GPBP1L1: variants seen among roughly 807,000 people sequenced by gnomAD.
The protein encoded by GPBP1L1 is vasculin-like protein 1.
GPBP1L1 carries 23 observed loss-of-function variants against 52.5 expected under a neutral mutation model. That is an observed-to-expected ratio of 0.44 (90% CI 0.32 to 0.62). GPBP1L1 has a LOEUF of 0.62. Among genes scored for constraint, GPBP1L1 ranks in the 20% least tolerant of loss-of-function variants. GPBP1L1 has a pLI of 0.06. For missense variants in GPBP1L1, 596 were observed against 579.3 expected, an observed-to-expected ratio of 1.03 and a Z score of -0.30; for synonymous variants, 243 against 203.1, an observed-to-expected ratio of 1.20 and a Z score of -1.67.
At chr1:45,630,396 C>A in intron 11 of GPBP1L1, 86 bp downstream of exon 11, 1 of 1,472,218 alleles carries the variant, frequency 6.8e-7, no homozygotes, top group Non-Finnish European at 9.3e-7. Flanking sequence ...GCATGTGGGA[C>A]CTATCTATCT....
intron 2 of GPBP1L1, among the ~76,000 whole-genome samples, chr1:45,669,379 G>A (rs1292320616): frequency 6.6e-6 from 1 of 152,210 alleles, no homozygotes; most frequent in Non-Finnish European, 1.5e-5. Flanking sequence ...TCAAACTCCT[G>A]GCCTCAAGGG....
At position 45,660,335 on chromosome 1, in the gene GPBP1L1, C is replaced by G. The variant is rs1557711862; in HGVS notation, c.-207G>C. On this transcript the variant is annotated 5_prime_UTR_variant, in exon 3 of 13. Transcript: ENST00000355105. The stretch of plus-strand genomic sequence containing the variant: ...AAGAAGCCAGGTTCTGTGTCGATCA[C>G]TCTCTCAGTCCCCTCAACTGCTCAT... The G allele has an allele frequency of 1.0e-6, 1 of 985,160 alleles. No individual in the cohort carries two copies. Among genetic ancestry groups the G allele is most frequent in the Non-Finnish European group, 1.2e-6 (1 of 829,912 alleles). 61.0% of individuals were successfully genotyped at this position (985,160 alleles called of 1,614,324 possible).
chr1:45,640,266 C>T lies in GPBP1L1; in HGVS notation c.688G>A (p.Val230Met), dbSNP rs371953406. Residue 230 changes from valine to methionine, a missense_variant, in exon 8 of 13, where the codon GTG (valine) becomes ATG (methionine). Transcript: ENST00000355105. ...HHANGNKLSS[V>M]VPSVYKNLVP... ...AGGTTCTTATAGACACTTGGAACCA[C>T]GGATGACAATTTGTTCCCATTTGCA... is the stretch of plus-strand genomic sequence containing the variant. 4.8e-5 allele frequency: 77 copies of T among 1,614,016 alleles called. No individual in the cohort carries two copies. Among genetic ancestry groups the T allele is most frequent in the African/African-American group, 1.1e-4 (8 of 74,896 alleles).
At chr1:45,675,825 G>A (rs1645132820) in intron 2 of GPBP1L1, among the ~76,000 whole-genome samples, 1 of 152,190 alleles carries the variant, frequency 6.6e-6, no homozygotes, top group Non-Finnish European at 1.5e-5. Context: ...ACAGGCATGA[G>A]CCACTGTACC....
intron 2 of GPBP1L1, among the ~76,000 whole-genome samples, chr1:45,682,525 T>C (rs762935384): frequency 1.3e-5 from 2 of 152,214 alleles, no homozygotes; most frequent in African/African-American, 4.8e-5. Flanking sequence ...TTAAGAGTAA[T>C]TGCTTTTTAT....
intron 8 of GPBP1L1, chr1:45,635,831 C>T (rs970606953): frequency 2.6e-5 from 4 of 152,144 alleles, no homozygotes; most frequent in Non-Finnish European, 5.9e-5. Flanking sequence ...CCTCCTCTGC[C>T]GTTTGCCCCT....
At chr1:45,681,179 C>A (rs945254530) in intron 2 of GPBP1L1, among the ~76,000 whole-genome samples, 3 of 152,098 alleles carry the variant, frequency 2.0e-5, no homozygotes, top group African/African-American at 4.8e-5. Context: ...TCTATGTTGC[C>A]CAACAGAGAA....
At chr1:45,658,828 G>C in intron 4 of GPBP1L1, 200 bp downstream of exon 4, 3 of 543,950 alleles carry the variant, frequency 5.5e-6, no homozygotes, top group Non-Finnish European at 9.8e-6. Flanking sequence ...TGTAGGCCCA[G>C]CTACTCTGGG....
At chr1:45,669,697 C>T (rs1041396111) in intron 2 of GPBP1L1, among the ~76,000 whole-genome samples, 1 of 151,870 alleles carries the variant, frequency 6.6e-6, no homozygotes, top group Non-Finnish European at 1.5e-5. Flanking sequence ...AGTTTACAAT[C>T]TGTGTATTCC....
In GPBP1L1 at chr1:45,660,168, T is replaced by C; in HGVS notation, c.-56+16A>G. 2.0e-6 allele frequency: 2 copies of C among 984,160 alleles called. No homozygotes were observed. The highest frequency in any genetic ancestry group is 1.2e-6 in the Non-Finnish European group (1 of 828,796). 61.0% of individuals were successfully genotyped at this position (984,160 alleles called of 1,614,324 possible). On this transcript the variant is annotated intron_variant, in intron 3 of 12. Coordinates refer to ENST00000355105, the MANE Select transcript of GPBP1L1 (RefSeq NM_021639.5). ...TAGAGTCTTCTTTCCAAGTTAGACA[T>C]ATGGAGAATATTTACCCCAGAGTGT... is the stretch of plus-strand genomic sequence containing the variant.
chr1:45,677,724 A>G (rs1350017858), intron 2 of GPBP1L1, among the ~76,000 whole-genome samples: 2 of 152,202 alleles, frequency 1.3e-5, no homozygotes, highest in East Asian at 1.9e-4. Flanking sequence ...GCTATGACAT[A>G]ATATAAAGCA....
chr1:45,676,122 T>G (rs191344402), intron 2 of GPBP1L1, among the ~76,000 whole-genome samples: 2 of 152,198 alleles, frequency 1.3e-5, no homozygotes, highest in African/African-American at 4.8e-5. Flanking sequence ...TATTTCTAAT[T>G]CTTAACAGAA....
chr1:45,686,345 G>C (rs1409639939), intron 1 of GPBP1L1, 67 bp downstream of exon 1: 2 of 152,500 alleles, frequency 1.3e-5, no homozygotes, highest in African/African-American at 4.8e-5. Context: ...GTTAGGCACC[G>C]GGCGGAGCCC....
At chr1:45,654,909 G>A in intron 5 of GPBP1L1, 80 bp from the exon 6 acceptor site, 1 of 1,344,076 alleles carries the variant, frequency 7.4e-7, no homozygotes, top group South Asian at 1.4e-5. Context: ...GCCTTCAGGA[G>A]ACCTCGTTAA....
chr1:45,642,352 T>C (rs962252021), intron 7 of GPBP1L1, 75 bp downstream of exon 7: 1 of 914,836 alleles, frequency 1.1e-6, no homozygotes, highest in Non-Finnish European at 1.8e-6. Context: ...TAAAAAGAGA[T>C]AAGGAATCTT....
At chr1:45,656,887 G>C (rs1644891870) in intron 4 of GPBP1L1, among the ~76,000 whole-genome samples, 1 of 151,610 alleles carries the variant, frequency 6.6e-6, no homozygotes, top group African/African-American at 2.4e-5. Context: ...GTCTCACTTT[G>C]CTGCCCAAGC....
intron 8 of GPBP1L1, among the ~76,000 whole-genome samples, chr1:45,636,713 T>C (rs1282952000): frequency 6.6e-6 from 1 of 152,224 alleles, no homozygotes; most frequent in East Asian, 1.9e-4. Flanking sequence ...CTTGCTCCAA[T>C]TTACTGTCAA....
chr1:45,678,599 A>C (rs1645175357), intron 2 of GPBP1L1, among the ~76,000 whole-genome samples: 1 of 152,218 alleles, frequency 6.6e-6, no homozygotes, highest in Non-Finnish European at 1.5e-5. Flanking sequence ...AAAAAGAACA[A>C]GCTAAATAAT....
chr1:45,629,458 C>T lies in GPBP1L1; in HGVS notation c.1272+118G>A, dbSNP rs571185419. ...ACTACATTTCTACTAAGGTAATCCC[C>T]CCCCCCCCCACCCGATCTTTCTCTC... On this transcript the variant is annotated intron_variant, in intron 12 of 12. Coordinates refer to ENST00000355105, the MANE Select transcript of GPBP1L1 (RefSeq NM_021639.5). The T allele has an allele frequency of 3.9e-5, 5 of 126,844 alleles. 1 individual carries two copies. In the South Asian group the frequency reaches 7.7e-4, roughly 19 times the overall value. The allele number at this position is 126,844 out of a possible 1,614,324, so 7.9% of individuals were successfully genotyped here. A position where few individuals can be genotyped will look rare whatever the true frequency, so the allele number is the denominator to read the frequency against.
Sources: allele counts gnomAD v4.1 joint callset (sites outside exome capture counted in the v4.1 genomes callset), GRCh38; gene constraint gnomAD v4.1.1; transcripts MANE v1.5; gene names NCBI Gene and HGNC (gene_info 2026-07-23, HGNC 2026-07-21).